MSH3: variants seen among roughly 807,000 people sequenced by gnomAD.
MSH3 encodes DNA mismatch repair protein Msh3.
MSH3 carries 106 observed loss-of-function variants against 123.3 expected under a neutral mutation model. The observed-to-expected ratio is 0.86, with a 90% confidence interval of 0.73 to 1.01. MSH3 has a LOEUF of 1.01. MSH3 is among the 50% of genes least tolerant of loss of function. The pLI is 0.00. For missense variants in MSH3, 1,459 were observed against 1,347.6 expected, an observed-to-expected ratio of 1.08 and a Z score of -1.29; for synonymous variants, 515 against 481.4, an observed-to-expected ratio of 1.07 and a Z score of -0.91.
chr5:80,670,019 A>G (rs1271713962), intron 3 of MSH3, 78 bp from the exon 4 acceptor site: 2 of 1,383,196 alleles, frequency 1.4e-6, no homozygotes, highest in African/African-American at 1.4e-5. Context: ...GCTTTTTGCC[A>G]GATTTGCATT....
chr5:80,770,270 A>AT (rs62892161), intron 15 of MSH3, among the ~76,000 whole-genome samples: 2,122 of 144,124 alleles, frequency 0.015, 20 homozygotes, highest in African/African-American at 0.033. Flanking sequence ...TTTCTACTAC[A>AT]TTTTTTTTTT....
intron 8 of MSH3, among the ~76,000 whole-genome samples, chr5:80,701,537 G>A (rs1257553450): frequency 2.0e-5 from 3 of 152,164 alleles, no homozygotes; most frequent in Non-Finnish European, 1.5e-5. Context: ...TACAGTTACT[G>A]TCTGTCCTCA....
At chr5:80,709,344 G>T (rs1192381759) in intron 8 of MSH3, among the ~76,000 whole-genome samples, 2 of 152,038 alleles carry the variant, frequency 1.3e-5, no homozygotes, top group Admixed American at 6.6e-5. Flanking sequence ...TTAGGGCCGG[G>T]TGCGGTGGTG....
rs543456895 is a variant in MSH3, at chr5:80,769,770, C to A, written c.2253+767C>A. ...GAATGAGCATTTTATTCAGGATTTT[C>A]AAAAAATAGATATTTTTCCGGTGGG... On this transcript the variant is annotated intron_variant, in intron 15 of 23. Coordinates refer to ENST00000265081, the MANE Select transcript of MSH3 (RefSeq NM_002439.5). 1.8e-4 allele frequency among the ~76,000 whole-genome samples: 27 copies of A among 151,992 alleles called. No homozygotes were observed. The East Asian group carries it at 4.1e-3, about 23-fold the overall frequency.
At chr5:80,672,101 CTT>C in intron 4 of MSH3, 141 bp from the exon 5 acceptor site, 1 of 687,912 alleles carries the variant, frequency 1.5e-6, no homozygotes, top group Non-Finnish European at 2.5e-6. Flanking sequence ...TTTTTTTAAA[CTT>C]TTTATTGACA....
At chr5:80,808,884 C>CTATATATAT (rs1561485262) in intron 19 of MSH3, among the ~76,000 whole-genome samples, 4 of 118,676 alleles carry the variant, frequency 3.4e-5, no homozygotes, top group Non-Finnish European at 3.5e-5. Flanking sequence ...TATATATATA[C>CTATATATAT]ACAATCTAAA....
At chr5:80,761,099 G>A (rs942324876) in intron 12 of MSH3, among the ~76,000 whole-genome samples, 3 of 152,170 alleles carry the variant, frequency 2.0e-5, no homozygotes, top group Non-Finnish European at 2.9e-5. Flanking sequence ...CAGCGAGGTT[G>A]GGGGAGGGTG....
intron 20 of MSH3, among the ~76,000 whole-genome samples, chr5:80,845,608 T>C (rs1745706616): frequency 6.6e-6 from 1 of 152,236 alleles, no homozygotes; most frequent in African/African-American, 2.4e-5. Context: ...TTCTTTTCAC[T>C]CTTTTTTCTC....
intron 2 of MSH3, among the ~76,000 whole-genome samples, chr5:80,658,094 G>A (rs1279989340): frequency 7.4e-6 from 1 of 134,292 alleles, no homozygotes; most frequent in African/African-American, 2.9e-5. Flanking sequence ...GAGTGCACTT[G>A]TGCAATCTCA....
chr5:80,673,812 C>G (rs1024471268), intron 6 of MSH3, among the ~76,000 whole-genome samples: 3 of 151,884 alleles, frequency 2.0e-5, no homozygotes, highest in African/African-American at 7.3e-5. Flanking sequence ...GCAAAATTGT[C>G]AGTTTCAAAA....
At chr5:80,755,219 G>A (rs921955893) in intron 12 of MSH3, among the ~76,000 whole-genome samples, 3 of 152,208 alleles carry the variant, frequency 2.0e-5, no homozygotes, top group Non-Finnish European at 4.4e-5. Flanking sequence ...GAACCCGAGT[G>A]CCTCTTACTG....
At chr5:80,853,640 A>C (rs894677632) in intron 20 of MSH3, among the ~76,000 whole-genome samples, 1 of 152,242 alleles carries the variant, frequency 6.6e-6, no homozygotes, top group African/African-American at 2.4e-5. Context: ...TCAAACGTCT[A>C]TAATTCTAGT....
In MSH3 at chr5:80,734,475, A is replaced by G. The variant is rs16878132; in HGVS notation, c.1568+5510A>G. ...TGAATTATATCAATAAAGTTGATAG[A>G]CACATACACACTTATCTTTTAAATG... On this transcript the variant is annotated intron_variant, in intron 10 of 23. Coordinates refer to ENST00000265081, the MANE Select transcript of MSH3 (RefSeq NM_002439.5). Among the ~76,000 whole-genome samples the G allele has an allele frequency of 2.5e-3, 386 of 152,356 alleles. 20 individuals are homozygous for G. The East Asian group carries it at 0.068, about 27-fold the overall frequency.
intron 8 of MSH3, 96 bp from the exon 9 acceptor site, chr5:80,725,357 T>A: frequency 1.2e-6 from 1 of 819,300 alleles, no homozygotes; most frequent in South Asian, 1.5e-5. Flanking sequence ...GGAATAAATC[T>A]TTATCTTTTT....
Position 80,672,878 on chromosome 5 carries a change from G to A in MSH3, c.1027+20G>A. 1 of 1,541,640 alleles carries A rather than the reference G, an allele frequency of 6.5e-7. No homozygotes were observed. Reference sequence around the variant, plus strand: ...GAGAAGATATCCTTTTTGGACGGGAGTTTTTCTCTTAAATGATACAAGGGC... The same window carrying A: ...GAGAAGATATCCTTTTTGGACGGGAATTTTTCTCTTAAATGATACAAGGGC... On this transcript the variant is annotated intron_variant, in intron 6 of 23. Transcript: ENST00000265081.
At chr5:80,660,168 A>T (rs970162042) in intron 2 of MSH3, among the ~76,000 whole-genome samples, 2 of 152,036 alleles carry the variant, frequency 1.3e-5, no homozygotes, top group Non-Finnish European at 2.9e-5. Flanking sequence ...GGCCTCAGAA[A>T]CATTGTGGGA....
Position 80,875,906 on chromosome 5 carries a change from A to G in MSH3, c.*44A>G. 8.4e-7 allele frequency: 1 copy of G among 1,185,546 alleles called. No homozygotes were observed. The highest frequency in any genetic ancestry group is 2.4e-5 in the East Asian group (1 of 41,316). 73.4% of individuals were successfully genotyped at this position (1,185,546 alleles called of 1,614,324 possible). A position where few individuals can be genotyped will look rare whatever the true frequency, so the allele number is the denominator to read the frequency against. Reference sequence around the variant, plus strand: ...GAACAAAAAATGGAGAATTAAAAATACCAACTGTACAAAATAACTCTCCAG... The same window carrying G: ...GAACAAAAAATGGAGAATTAAAAATGCCAACTGTACAAAATAACTCTCCAG... On this transcript the variant is annotated 3_prime_UTR_variant, in exon 24 of 24. Transcript: ENST00000265081.
intron 19 of MSH3, among the ~76,000 whole-genome samples, chr5:80,797,155 T>A (rs1366338997): frequency 6.7e-6 from 1 of 149,074 alleles, no homozygotes; most frequent in Non-Finnish European, 1.5e-5. Context: ...GCACTCAGCC[T>A]TCCTTTGCCC....
chr5:80,687,202 G>C (rs1163343725), intron 8 of MSH3, among the ~76,000 whole-genome samples: 4 of 152,088 alleles, frequency 2.6e-5, no homozygotes, highest in Non-Finnish European at 1.5e-5. Context: ...TTCAGCCTGT[G>C]TCTTAGGGAA....
Sources: allele counts gnomAD v4.1 joint callset (sites outside exome capture counted in the v4.1 genomes callset), GRCh38; gene constraint gnomAD v4.1.1; transcripts MANE v1.5; gene names NCBI Gene and HGNC (gene_info 2026-07-23, HGNC 2026-07-21).